Variants in FMN1 observed in about 807,000 individuals in gnomAD.
FMN1 encodes formin 1.
Under a neutral mutation model 132.4 loss-of-function variants are expected in FMN1, and 110 were observed. The ratio of observed to expected loss-of-function variants is 0.83; its 90% CI spans 0.71 to 0.97. FMN1 has a LOEUF of 0.97. Ranked by LOEUF, FMN1 falls within the 50% of genes least tolerant of loss-of-function variation. FMN1 has a pLI of 0.00. For missense variants in FMN1, 1,792 were observed against 1,705.3 expected (o/e 1.05, Z -0.90); for synonymous variants, 722 against 651.7 (o/e 1.11, Z -1.64).
At chr15:33,068,829 T>C (rs1305868432) in intron 5 of FMN1, among the ~76,000 whole-genome samples, 1 of 152,142 alleles carries the variant, frequency 6.6e-6, no homozygotes, top group African/African-American at 2.4e-5. Flanking sequence ...AGCAACAGGG[T>C]GGCAGAGTAA....
In FMN1 at chr15:33,106,456, G is replaced by A. The variant is rs2039492241; in HGVS notation, c.1868-17482C>T. On this transcript the variant is annotated intron_variant, in intron 4 of 20. Transcript: ENST00000616417. ...CATTTAAATCTATTAGCTTTTAGAG[G>A]AATTTTGAGTCATTCTGATATATCC... is the stretch of plus-strand genomic sequence containing the variant. 2.6e-5 allele frequency among the ~76,000 whole-genome samples: 4 copies of A among 151,842 alleles called. No individual in the cohort carries two copies. The South Asian group carries it at 8.3e-4, about 32-fold the overall frequency.
chr15:32,776,877 C>T lies in FMN1; in HGVS notation c.4173G>A (p.Glu1391=), dbSNP rs752534839. ...TGATTTTCTTTGTCTCCACTTTCTT[C>T]TCTGAAGTCAACTTGCTGACTGATT... is the stretch of plus-strand genomic sequence containing the variant. ...AQESVSKLTS[E]KKVETKKINP... is the part of the protein sequence containing the mutation. The change falls in exon 20 of 21, where the codon GAG becomes GAA. Residue 1391 remains glutamate (E), a synonymous_variant. Transcript: ENST00000616417. 1.9e-6 allele frequency: 3 copies of T among 1,597,676 alleles called. No homozygotes were observed. Among genetic ancestry groups the T allele is most frequent in the Non-Finnish European group, 2.6e-6 (3 of 1,170,660 alleles).
intron 17 of FMN1, among the ~76,000 whole-genome samples, chr15:32,848,083 A>G (rs372845434): frequency 6.6e-6 from 1 of 152,198 alleles, no homozygotes; most frequent in South Asian, 2.1e-4. Context: ...TGTAATGAAG[A>G]GCCCAAATGA....
intron 4 of FMN1, among the ~76,000 whole-genome samples, chr15:33,094,063 T>C (rs991910028): frequency 1.0e-4 from 14 of 136,040 alleles, no homozygotes; most frequent in South Asian, 2.4e-4. Flanking sequence ...TTATTGCCAG[T>C]CTCCAGATGA....
chr15:32,935,793 A>C (rs930170178), intron 9 of FMN1, among the ~76,000 whole-genome samples: 1 of 151,708 alleles, frequency 6.6e-6, no homozygotes, highest in Non-Finnish European at 1.5e-5. Context: ...CCACACAGCT[A>C]ATTTTTGTTC....
At chr15:32,820,433 T>C (rs561343238) in intron 17 of FMN1, among the ~76,000 whole-genome samples, 103 of 152,192 alleles carry the variant, frequency 6.8e-4, no homozygotes, top group Non-Finnish European at 1.3e-3. Flanking sequence ...TTAGGTTATA[T>C]GCATTCTCCT....
At chr15:33,080,295 T>C (rs1166019267) in intron 5 of FMN1, among the ~76,000 whole-genome samples, 1 of 151,164 alleles carries the variant, frequency 6.6e-6, no homozygotes, top group Non-Finnish European at 1.5e-5. Context: ...CTGTGGAGTT[T>C]GTTATTTAGG....
chr15:32,933,412 G>A (rs1240252768), intron 9 of FMN1, among the ~76,000 whole-genome samples: 4 of 152,216 alleles, frequency 2.6e-5, no homozygotes, highest in Non-Finnish European at 5.9e-5. Context: ...TTATCCTGGA[G>A]AATGTGCACT....
intron 17 of FMN1, among the ~76,000 whole-genome samples, chr15:32,821,577 A>T (rs991456617): frequency 3.1e-4 from 45 of 146,292 alleles, no homozygotes; most frequent in Non-Finnish European, 7.4e-5. Flanking sequence ...CCAGCCTCCC[A>T]AGTAGCTGGG....
At chr15:32,930,753 T>C (rs1385029751) in intron 9 of FMN1, among the ~76,000 whole-genome samples, 1 of 152,126 alleles carries the variant, frequency 6.6e-6, no homozygotes, top group Non-Finnish European at 1.5e-5. Context: ...TCATGCTATA[T>C]CCAGGAAACA....
At chr15:32,968,320 G>C (rs777096790) in intron 8 of FMN1, among the ~76,000 whole-genome samples, 1 of 152,140 alleles carries the variant, frequency 6.6e-6, no homozygotes, top group East Asian at 1.9e-4. Flanking sequence ...TTAAAAACAA[G>C]ACAGTAAAAA....
intron 5 of FMN1, among the ~76,000 whole-genome samples, chr15:33,075,672 GA>G (rs920514301): frequency 1.9e-4 from 29 of 149,638 alleles, no homozygotes; most frequent in South Asian, 8.5e-4. Flanking sequence ...TTATTTGAGA[GA>G]AAAAAAAAAT....
At chr15:32,876,580 T>G (rs574669869) in intron 16 of FMN1, among the ~76,000 whole-genome samples, 1 of 152,376 alleles carries the variant, frequency 6.6e-6, no homozygotes, top group African/African-American at 2.4e-5. Flanking sequence ...AACTCTCTAC[T>G]CTTTGCAACT....
intron 16 of FMN1, among the ~76,000 whole-genome samples, chr15:32,884,558 C>T (rs1419234323): frequency 2.6e-5 from 4 of 152,160 alleles, no homozygotes; most frequent in African/African-American, 7.2e-5. Context: ...GCAACATGTT[C>T]ACAGATTCTA....
intron 4 of FMN1, among the ~76,000 whole-genome samples, chr15:33,126,006 C>G (rs1304927625): frequency 6.7e-6 from 1 of 148,656 alleles, no homozygotes; most frequent in Non-Finnish European, 1.5e-5. Flanking sequence ...TAAATCTACA[C>G]ATGAGATAAC....
intron 7 of FMN1, among the ~76,000 whole-genome samples, chr15:32,984,447 T>A (rs1304861964): frequency 6.6e-6 from 1 of 152,168 alleles, no homozygotes; most frequent in Non-Finnish European, 1.5e-5. Flanking sequence ...AAATTCTCCC[T>A]CAGGTTCCTA....
chr15:33,087,646 G>A (rs1242902504), intron 5 of FMN1, among the ~76,000 whole-genome samples: 1 of 152,152 alleles, frequency 6.6e-6, no homozygotes, highest in East Asian at 1.9e-4. Context: ...TCCAACTACT[G>A]GGTATCTACC....
chr15:32,792,355 G>A (rs561186380), intron 19 of FMN1, among the ~76,000 whole-genome samples: 1 of 151,738 alleles, frequency 6.6e-6, no homozygotes, highest in South Asian at 2.1e-4. Context: ...TGAGGCAGGA[G>A]AATGGCATGA....
Position 33,086,929 on chromosome 15 carries a change from G to C in FMN1, c.2043+1870C>G, listed in dbSNP as rs922842919. ...AAAATACAGGGTTCTCCTGCTCTTT[G>C]ATTGCCACCCATGTGAACATCACAG... On this transcript the variant is annotated intron_variant, in intron 5 of 20. Transcript: ENST00000616417. 2.0e-5 allele frequency among the ~76,000 whole-genome samples: 3 copies of C among 152,200 alleles called. No individual in the cohort carries two copies. In the East Asian group the frequency reaches 5.8e-4, roughly 29 times the overall value.
Sources: allele counts gnomAD v4.1 joint callset (sites outside exome capture counted in the v4.1 genomes callset), GRCh38; gene constraint gnomAD v4.1.1; transcripts MANE v1.5; gene names NCBI Gene and HGNC (gene_info 2026-07-23, HGNC 2026-07-21).